Variants in CCDC167 observed in about 807,000 individuals in gnomAD.
The protein encoded by CCDC167 is coiled-coil domain-containing protein 167.
In CCDC167, 15 loss-of-function variants were observed where a neutral mutation model predicts 12.7. That is an observed-to-expected ratio of 1.18 (90% CI 0.79 to 1.81). The LOEUF is 1.81. CCDC167 is among the 40% of genes most tolerant of loss of function. The pLI, the probability that CCDC167 is intolerant of heterozygous loss-of-function variation, is 0.00. For synonymous variants in CCDC167, 52 were observed against 49.0 expected (o/e 1.06, Z -0.26); for missense variants, 121 against 120.1 (o/e 1.01, Z -0.03).
At chr6:37,494,709 T>A (rs1186148147) in intron 1 of CCDC167, among the ~76,000 whole-genome samples, 1 of 152,142 alleles carries the variant, frequency 6.6e-6, no homozygotes, top group African/African-American at 2.4e-5. Context: ...GTGGCAGCTA[T>A]ATTGTGACCA....
chr6:37,493,081 C>A (rs1439321706), intron 1 of CCDC167, among the ~76,000 whole-genome samples: 1 of 152,218 alleles, frequency 6.6e-6, no homozygotes, highest in Non-Finnish European at 1.5e-5. Flanking sequence ...AGTTTTTAAT[C>A]AATGAACAAT....
At chr6:37,492,927 C>T (rs1243924771) in intron 1 of CCDC167, among the ~76,000 whole-genome samples, 1 of 152,226 alleles carries the variant, frequency 6.6e-6, no homozygotes, top group African/African-American at 2.4e-5. Flanking sequence ...ATTATCCCCA[C>T]ATCGTTTAAG....
intron 3 of CCDC167, among the ~76,000 whole-genome samples, chr6:37,484,550 G>C (rs1761916741): frequency 6.6e-6 from 1 of 152,302 alleles, no homozygotes; most frequent in Non-Finnish European, 1.5e-5. Flanking sequence ...TTGTCTCCTA[G>C]ACCTGGCCAC....
chr6:37,496,544 A>T (rs1221654071), intron 1 of CCDC167, among the ~76,000 whole-genome samples: 1 of 152,238 alleles, frequency 6.6e-6, no homozygotes, highest in Non-Finnish European at 1.5e-5. Flanking sequence ...GGTGAAATTC[A>T]AGTCCTTCAT....
At chr6:37,497,825 C>G (rs1762117564) in intron 1 of CCDC167, among the ~76,000 whole-genome samples, 1 of 152,030 alleles carries the variant, frequency 6.6e-6, no homozygotes, top group South Asian at 2.1e-4. Context: ...CCACTACACT[C>G]CAGCCTGGGC....
At chr6:37,493,782 C>A (rs1340572318) in intron 1 of CCDC167, among the ~76,000 whole-genome samples, 1 of 152,212 alleles carries the variant, frequency 6.6e-6, no homozygotes, top group African/African-American at 2.4e-5. Context: ...GCCAATCGAG[C>A]CAGTTCAGCA....
rs187984886 is a variant in CCDC167, at chr6:37,491,093, C to T, written c.43-5899G>A. Among the ~76,000 whole-genome samples, 8 of 152,286 alleles carry T rather than the reference C, an allele frequency of 5.3e-5. No homozygotes were observed. The East Asian group carries it at 7.7e-4, about 15-fold the overall frequency. On this transcript the variant is annotated intron_variant, in intron 1 of 3. Coordinates refer to ENST00000373408, the MANE Select transcript of CCDC167 (RefSeq NM_138493.3). Reference sequence around the variant, plus strand: ...AGGCCCTCTCAGAATCAGAGCCCCACGGAGGCCTCACTGGGGGCAGGGAAT... The same window carrying T: ...AGGCCCTCTCAGAATCAGAGCCCCATGGAGGCCTCACTGGGGGCAGGGAAT...
chr6:37,488,391 C>A (rs1441602488), intron 1 of CCDC167, among the ~76,000 whole-genome samples: 1 of 152,170 alleles, frequency 6.6e-6, no homozygotes, highest in Non-Finnish European at 1.5e-5. Context: ...TACATGCACA[C>A]GGATTATGCA....
At chr6:37,489,108 C>T (rs144376172) in intron 1 of CCDC167, among the ~76,000 whole-genome samples, 3,439 of 152,228 alleles carry the variant, frequency 0.023, 55 homozygotes, top group Middle Eastern at 0.058. Context: ...TGGTGGCGCA[C>T]GCCTGTAGTC....
chr6:37,493,402 T>A (rs1305236826), intron 1 of CCDC167, among the ~76,000 whole-genome samples: 1 of 152,220 alleles, frequency 6.6e-6, no homozygotes, highest in African/African-American at 2.4e-5. Flanking sequence ...AGAACTGGCA[T>A]CCACCCCGAG....
At chr6:37,496,277 A>T (rs1735745945) in intron 1 of CCDC167, among the ~76,000 whole-genome samples, 1 of 152,030 alleles carries the variant, frequency 6.6e-6, no homozygotes, top group African/African-American at 2.4e-5. Flanking sequence ...TACTAAAAAT[A>T]CAAAACTTAG....
At chr6:37,491,780 C>T (rs1292639827) in intron 1 of CCDC167, among the ~76,000 whole-genome samples, 1 of 152,172 alleles carries the variant, frequency 6.6e-6, no homozygotes, top group Non-Finnish European at 1.5e-5. Context: ...TGCTTTACAC[C>T]GATTAACTCA....
chr6:37,497,441 T>C (rs1167258738), intron 1 of CCDC167, among the ~76,000 whole-genome samples: 1 of 151,940 alleles, frequency 6.6e-6, no homozygotes, highest in East Asian at 1.9e-4. Flanking sequence ...ATATCATGCC[T>C]GAACAGTTTA....
At position 37,499,804 on chromosome 6, in the gene CCDC167, C is replaced by T. The variant is rs1347748117; in HGVS notation, c.42+18G>A. 2 of 1,613,886 alleles carry T rather than the reference C, an allele frequency of 1.2e-6. No homozygotes were observed. The highest frequency in any genetic ancestry group is 1.3e-5 in the African/African-American group (1 of 75,046). On this transcript the variant is annotated intron_variant, in intron 1 of 3. Coordinates refer to ENST00000373408, the MANE Select transcript of CCDC167 (RefSeq NM_138493.3). ...AAGGCAACTAACGAGGTGGCCCAAC[C>T]CCCACTTTTCCCCTCACCTCTAGAG...
chr6:37,499,879 C>T lies in CCDC167; in HGVS notation c.-16G>A. The T allele has an allele frequency of 3.7e-6, 6 of 1,614,092 alleles. No homozygotes were observed. The highest frequency in any genetic ancestry group is 5.1e-6 in the Non-Finnish European group (6 of 1,179,960). On this transcript the variant is annotated 5_prime_UTR_variant, in exon 1 of 4. Transcript: ENST00000373408. ...TTTTAGTCATGTTACTTGCCGGGAT[C>T]CCCCAGTCATCACTGGACGCGCCCA...
chr6:37,493,051 T>C (rs1762044226), intron 1 of CCDC167, among the ~76,000 whole-genome samples: 1 of 152,220 alleles, frequency 6.6e-6, no homozygotes, highest in South Asian at 2.1e-4. Context: ...GTTGTGCAGC[T>C]GAAGACGGCA....
chr6:37,488,230 G>A (rs569033741), intron 1 of CCDC167, among the ~76,000 whole-genome samples: 9 of 152,364 alleles, frequency 5.9e-5, no homozygotes, highest in African/African-American at 2.2e-4. Context: ...AGGGAAGGTA[G>A]GTCCAGATGC....
At chr6:37,494,517 C>T (rs1352510582) in intron 1 of CCDC167, among the ~76,000 whole-genome samples, 1 of 152,226 alleles carries the variant, frequency 6.6e-6, no homozygotes, top group African/African-American at 2.4e-5. Flanking sequence ...GGTGGAAAAG[C>T]TCAGCAGATG....
At chr6:37,499,722 C>A in intron 1 of CCDC167, 100 bp downstream of exon 1, 1 of 1,335,428 alleles carries the variant, frequency 7.5e-7, no homozygotes, top group Non-Finnish European at 1.1e-6. Context: ...TCTCATCCTA[C>A]GCTTGGCTCC....
Sources: allele counts gnomAD v4.1 joint callset (sites outside exome capture counted in the v4.1 genomes callset), GRCh38; gene constraint gnomAD v4.1.1; transcripts MANE v1.5; gene names NCBI Gene and HGNC (gene_info 2026-07-23, HGNC 2026-07-21).